RTTN: variants seen among roughly 807,000 people sequenced by gnomAD.
RTTN encodes the protein rotatin.
A neutral mutation model predicts 269.2 loss-of-function variants in RTTN; 182 were observed. The observed-to-expected ratio is 0.68, with a 90% CI of 0.60 to 0.76. The LOEUF is 0.76. RTTN is among the 30% of genes least tolerant of loss of function. The probability of loss-of-function intolerance (pLI) is 0.00; values close to 1 mark genes in which losing one functional copy is unlikely to be tolerated. For missense variants in RTTN, 2,545 were observed against 2,608.6 expected (o/e 0.98, Z 0.53); for synonymous variants, 1,006 against 963.5 (o/e 1.04, Z -0.82).
At chr18:70,199,598 C>A in intron 4 of RTTN, 94 bp from the exon 5 acceptor site, 1 of 844,762 alleles carries the variant, frequency 1.2e-6, no homozygotes, top group African/African-American at 1.7e-5. Flanking sequence ...AAACAAGTCC[C>A]AAAATAAAGG....
intron 28 of RTTN, among the ~76,000 whole-genome samples, chr18:70,093,275 GAT>G: frequency 7.0e-6 from 1 of 141,972 alleles, no homozygotes; most frequent in South Asian, 2.3e-4. Context: ...AAAAAAAAAA[GAT>G]GTGTGGTGCC....
chr18:70,028,619 TAA>T lies in RTTN; in HGVS notation c.5823+103_5823+104del, dbSNP rs1380701902. On this transcript the variant is annotated intron_variant, in intron 43 of 48. Transcript: ENST00000640769. ...CCAATCAACTGTGTGTCTAAAAATT[TAA>T]AAGTCAGAGCTTTCCATTTTTCCTA... 1.1e-5 allele frequency: 7 copies of T among 625,940 alleles called. No homozygotes were observed. In the Admixed American group the frequency reaches 2.2e-4, roughly 20 times the overall value. The allele number at this position is 625,940 out of a possible 1,614,324, so 38.8% of individuals were successfully genotyped here.
intron 18 of RTTN, among the ~76,000 whole-genome samples, chr18:70,145,386 T>C (rs932204156): frequency 3.3e-5 from 5 of 151,972 alleles, no homozygotes; most frequent in African/African-American, 7.3e-5. Flanking sequence ...CATGGAAAAA[T>C]TGTCCTGTGA....
At chr18:70,106,902 T>A (rs1312324984) in intron 28 of RTTN, among the ~76,000 whole-genome samples, 2 of 152,334 alleles carry the variant, frequency 1.3e-5, no homozygotes, top group Non-Finnish European at 2.9e-5. Flanking sequence ...AACTCTACAG[T>A]GCTTCCTACA....
At chr18:70,121,487 T>A (rs900890602) in intron 26 of RTTN, 69 bp downstream of exon 26, 1 of 1,269,334 alleles carries the variant, frequency 7.9e-7, no homozygotes, top group African/African-American at 1.5e-5. Context: ...TTCCATAATA[T>A]AATGTTAATG....
At chr18:70,144,395 T>C (rs912412608) in intron 18 of RTTN, among the ~76,000 whole-genome samples, 1 of 152,174 alleles carries the variant, frequency 6.6e-6, no homozygotes, top group Non-Finnish European at 1.5e-5. Context: ...AACAGCACTC[T>C]GGGACTTGCT....
chr18:70,150,702 G>C lies in RTTN; in HGVS notation c.1961C>G (p.Pro654Arg), dbSNP rs781365553. 1.2e-6 allele frequency: 2 copies of C among 1,607,222 alleles called. No homozygotes were observed. The highest frequency in any genetic ancestry group is 2.2e-5 in the East Asian group (1 of 44,686). ...AATTCCATTGCAAAGTGAAGACACG[G>C]GTTTAGTGACATTATGGACACCTAA... ...ECLGVHNVTK[P>R]VSSLCNGIHF... The change falls in exon 15 of 49, where the codon CCC becomes CGC. Residue 654 changes from proline (P) to arginine (R), a missense_variant. By Grantham distance (103) the Pro-to-Arg change is moderately radical. Transcript: ENST00000640769.
rs148756280 is a variant in RTTN, at chr18:70,177,282, A to T, written c.1306-437T>A. Among the ~76,000 whole-genome samples the T allele has an allele frequency of 5.0e-3, 762 of 152,340 alleles. 5 individuals carry two copies. The highest frequency in any genetic ancestry group is 0.017 in the African/African-American group (722 of 41,588). On this transcript the variant is annotated intron_variant, in intron 10 of 48. Coordinates refer to ENST00000640769, the MANE Select transcript of RTTN (RefSeq NM_173630.4). Reference sequence around the variant, plus strand: ...AGAACAATGCATTAGTACAAGAGACATGATGATCTCTGTCCTCAAATTGAT... The same window carrying T: ...AGAACAATGCATTAGTACAAGAGACTTGATGATCTCTGTCCTCAAATTGAT...
At chr18:70,038,004 CCAAAAGG>C (rs2057227576) in intron 40 of RTTN, among the ~76,000 whole-genome samples, 1 of 14,668 alleles carries the variant, frequency 6.8e-5, no homozygotes, top group South Asian at 0.036. Context: ...GTATTGGTGG[CCAAAAGG>C]AGAGTCTCCT....
intron 13 of RTTN, chr18:70,166,423 A>G: frequency 3.1e-6 from 1 of 321,180 alleles, no homozygotes; most frequent in South Asian, 9.9e-5. Flanking sequence ...TCCCCTACTC[A>G]GTTAATGATT....
rs1490930098 is a variant in RTTN, at chr18:70,204,203, G to C, written c.280C>G (p.Arg94Gly). Residue 94 changes from arginine to glycine, a missense_variant, in exon 3 of 49, where the codon CGG becomes GGG. Transcript: ENST00000640769. Reference sequence around the variant, plus strand: ...TGCAGATTTGGCTCCACATTAGACCGAAGCTTAGATAAGAACTCTACTGCA... The same window carrying C: ...TGCAGATTTGGCTCCACATTAGACCCAAGCTTAGATAAGAACTCTACTGCA... ...VGAVEFLSKL[R>G]SNVEPNLQAE... 4 of 1,613,940 alleles carry C rather than the reference G, an allele frequency of 2.5e-6. No homozygotes were observed. The highest frequency in any genetic ancestry group is 2.5e-6 in the Non-Finnish European group (3 of 1,179,976).
intron 42 of RTTN, among the ~76,000 whole-genome samples, chr18:70,029,015 T>C (rs2056932295): frequency 6.6e-6 from 1 of 152,166 alleles, no homozygotes; most frequent in South Asian, 2.1e-4. Context: ...CTATTTCTGT[T>C]CTATCAAGCA....
In RTTN at chr18:70,057,781, C is replaced by G. The variant is rs34041767; in HGVS notation, c.4992G>C (p.Leu1664=). ...IQTCVQELRA[L]LPSSPPAEHT... ...GTTCAGCTGGAGGTGATGAAGGCAG[C>G]AGGGCTCTGAGTTCCTGGACACATG... The change falls in exon 37 of 49, where the codon CTG becomes CTC. Residue 1664 remains leucine, a synonymous_variant. Coordinates refer to ENST00000640769, the MANE Select transcript of RTTN (RefSeq NM_173630.4). The G allele has an allele frequency of 8.7e-4, 1,412 of 1,613,822 alleles. 13 individuals carry two copies. In the African/African-American group the frequency reaches 0.016, roughly 18 times the overall value.
chr18:70,169,133 T>C (rs1369545873), intron 11 of RTTN, 66 bp from the exon 12 acceptor site: 8 of 1,147,596 alleles, frequency 7.0e-6, no homozygotes, highest in Admixed American at 2.8e-5. Context: ...TAGAGAAACA[T>C]AGTGGGCTAT....
At chr18:70,028,583 G>A (rs901682355) in intron 43 of RTTN, 141 bp downstream of exon 43, 4 of 527,060 alleles carry the variant, frequency 7.6e-6, no homozygotes, top group Non-Finnish European at 1.3e-5. Context: ...AATTAACACT[G>A]AGTTTAAGGA....
chr18:70,079,424 C>T (rs2080972861), intron 32 of RTTN, among the ~76,000 whole-genome samples: 1 of 152,068 alleles, frequency 6.6e-6, no homozygotes, highest in African/African-American at 2.4e-5. Flanking sequence ...CCAGGATATG[C>T]ACAAAGGATG....
At chr18:70,189,246 C>T (rs1478576788) in intron 9 of RTTN, among the ~76,000 whole-genome samples, 2 of 152,116 alleles carry the variant, frequency 1.3e-5, no homozygotes, top group African/African-American at 4.8e-5. Context: ...TATATAGTTC[C>T]AGCTAGTAGA....
At chr18:70,184,689 C>A (rs2061492800) in intron 10 of RTTN, among the ~76,000 whole-genome samples, 1 of 134,076 alleles carries the variant, frequency 7.5e-6, no homozygotes, top group Non-Finnish European at 1.6e-5. Flanking sequence ...CAATTCCATT[C>A]AAAACCACAG....
At chr18:70,129,032 TG>T (rs1308523342) in intron 23 of RTTN, 3 of 152,316 alleles carry the variant, frequency 2.0e-5, no homozygotes, top group African/African-American at 7.2e-5. Flanking sequence ...ACTAAATGAC[TG>T]AATTCCAGCT....
Sources: gnomAD v4.1 joint callset for allele counts (sites outside exome capture counted in the v4.1 genomes callset) on GRCh38, gnomAD v4.1.1 for gene constraint, MANE v1.5 for transcripts, NCBI Gene and HGNC (gene_info 2026-07-23, HGNC 2026-07-21) for gene names.